The following FAM98B variants were observed in gnomAD, a reference collection of about 807,000 sequenced individuals.
FAM98B encodes the protein tRNA splicing ligase complex subunit 3B.
A neutral mutation model predicts 43.9 loss-of-function variants in FAM98B; 32 were observed. The ratio of observed to expected loss-of-function variants is 0.73; its 90% CI spans 0.55 to 0.98. The LOEUF (loss-of-function observed/expected upper bound fraction) is 0.98, where lower values mean the gene tolerates loss of function less well. FAM98B is among the 50% of genes least tolerant of loss of function. The probability of loss-of-function intolerance (pLI) is 0.00; values close to 1 mark genes in which losing one functional copy is unlikely to be tolerated. For synonymous variants in FAM98B, 190 were observed against 174.0 expected (o/e 1.09, Z -0.72); for missense variants, 514 against 522.9 (o/e 0.98, Z 0.17).
chr15:38,482,057 A>G (rs1383161062), intron 7 of FAM98B: 1 of 157,940 alleles, frequency 6.3e-6, no homozygotes, highest in Non-Finnish European at 1.4e-5. Flanking sequence ...CTTAACTGGC[A>G]TGTCCTCTTC....
In FAM98B at chr15:38,454,622, G is replaced by C. The variant is rs990107251; in HGVS notation, c.71+390G>C. ...GGAACCTGAGCTGCTGTTGAGGACT[G>C]TTGTCTCCTACAATGTACAACTTGT... is the stretch of plus-strand genomic sequence containing the variant. On this transcript the variant is annotated intron_variant, in intron 1 of 7. Transcript: ENST00000397609. 3.3e-5 allele frequency among the ~76,000 whole-genome samples: 5 copies of C among 152,216 alleles called. No individual in the cohort carries two copies. In the East Asian group the frequency reaches 9.6e-4, roughly 29 times the overall value.
intron 6 of FAM98B, among the ~76,000 whole-genome samples, chr15:38,481,074 C>G (rs552003252): frequency 6.6e-6 from 1 of 151,748 alleles, no homozygotes; most frequent in African/African-American, 2.4e-5. Context: ...TATTTTTTAG[C>G]GAGTTGTTGC....
At chr15:38,464,330 T>G (rs1355226115) in intron 2 of FAM98B, among the ~76,000 whole-genome samples, 153 bp downstream of exon 2, 1 of 152,172 alleles carries the variant, frequency 6.6e-6, no homozygotes, top group African/African-American at 2.4e-5. Context: ...TGGATTAAAT[T>G]TTATATTAAT....
chr15:38,457,450 T>G lies in FAM98B; in HGVS notation c.71+3218T>G, dbSNP rs1199750367. Among the ~76,000 whole-genome samples, 8 of 152,228 alleles carry G rather than the reference T, an allele frequency of 5.3e-5. No homozygotes were observed. In the South Asian group the frequency reaches 8.3e-4, roughly 16 times the overall value. On this transcript the variant is annotated intron_variant, in intron 1 of 7. Coordinates refer to ENST00000397609, the MANE Select transcript of FAM98B (RefSeq NM_173611.4). The stretch of plus-strand genomic sequence containing the variant: ...TGGAGAATGCAGAGGAATCAATGAA[T>G]GGAGGTAATGATGATATCAAAGAAT...
At chr15:38,470,815 G>A (rs35945817) in intron 4 of FAM98B, among the ~76,000 whole-genome samples, 30,284 of 152,068 alleles carry the variant, frequency 0.2, 3,283 homozygotes, top group Non-Finnish European at 0.24. Context: ...CTTTGGCAGT[G>A]AGCATGCAGT....
At chr15:38,475,971 G>A (rs943005434) in intron 6 of FAM98B, among the ~76,000 whole-genome samples, 2 of 151,716 alleles carry the variant, frequency 1.3e-5, no homozygotes, top group South Asian at 4.2e-4. Context: ...CTGCAGTTTT[G>A]CTGTTTGCAT....
At chr15:38,480,203 C>G (rs1165700005) in intron 6 of FAM98B, among the ~76,000 whole-genome samples, 1 of 152,122 alleles carries the variant, frequency 6.6e-6, no homozygotes, top group African/African-American at 2.4e-5. Context: ...AATTAAACCT[C>G]AAACAGTTAA....
At chr15:38,458,760 CT>C in intron 1 of FAM98B, 1 of 363,736 alleles carries the variant, frequency 2.7e-6, no homozygotes, top group Non-Finnish European at 5.4e-6. Context: ...GCTAAGAGGC[CT>C]GCCCCTACCC....
chr15:38,460,430 T>G (rs1889929409), intron 1 of FAM98B, among the ~76,000 whole-genome samples: 1 of 151,316 alleles, frequency 6.6e-6, no homozygotes, highest in Middle Eastern at 3.2e-3. Flanking sequence ...TAAATGAAAG[T>G]AAAAAAATAA....
intron 1 of FAM98B, among the ~76,000 whole-genome samples, chr15:38,454,929 G>A (rs919901220): frequency 6.6e-5 from 10 of 152,160 alleles, no homozygotes; most frequent in African/African-American, 2.4e-4. Context: ...TCAGGGTGGA[G>A]GTGGGAGTAA....
chr15:38,472,644 C>T (rs1466772702), intron 4 of FAM98B, among the ~76,000 whole-genome samples: 1 of 152,056 alleles, frequency 6.6e-6, no homozygotes, highest in Non-Finnish European at 1.5e-5. Context: ...GAAGAAACCT[C>T]AACTGTGCCC....
intron 4 of FAM98B, 79 bp from the exon 5 acceptor site, chr15:38,473,426 G>T (rs1890153605): frequency 1.0e-6 from 1 of 997,204 alleles, no homozygotes; most frequent in Non-Finnish European, 1.5e-6. Context: ...GTAGTGTTCA[G>T]AGCGATACTT....
At chr15:38,460,830 T>G (rs1453658457) in intron 1 of FAM98B, among the ~76,000 whole-genome samples, 2 of 152,188 alleles carry the variant, frequency 1.3e-5, no homozygotes, top group Non-Finnish European at 2.9e-5. Flanking sequence ...CATCCTGAGC[T>G]TCCTCATCTG....
intron 6 of FAM98B, among the ~76,000 whole-genome samples, chr15:38,476,287 C>T (rs1408150323): frequency 2.0e-5 from 3 of 152,060 alleles, no homozygotes; most frequent in African/African-American, 7.2e-5. Flanking sequence ...TTATGTTTCT[C>T]TGTAAGCTTT....
chr15:38,456,761 A>G (rs1289330661), intron 1 of FAM98B, among the ~76,000 whole-genome samples: 1 of 152,210 alleles, frequency 6.6e-6, no homozygotes, highest in Non-Finnish European at 1.5e-5. Context: ...GGGGACAAAG[A>G]TATCCTTACA....
chr15:38,454,855 G>A (rs367782024), intron 1 of FAM98B, among the ~76,000 whole-genome samples: 5 of 152,170 alleles, frequency 3.3e-5, no homozygotes, highest in African/African-American at 9.7e-5. Flanking sequence ...TTACATAGTC[G>A]CGCAGGCTGC....
At chr15:38,460,042 A>C (rs946331178) in intron 1 of FAM98B, among the ~76,000 whole-genome samples, 1 of 152,158 alleles carries the variant, frequency 6.6e-6, no homozygotes, top group Non-Finnish European at 1.5e-5. Flanking sequence ...CCCTGGTTGT[A>C]TTGTTGAGGA....
intron 3 of FAM98B, among the ~76,000 whole-genome samples, chr15:38,467,221 A>T (rs996179246): frequency 3.9e-5 from 6 of 152,184 alleles, no homozygotes; most frequent in African/African-American, 1.4e-4. Context: ...GTCTTTCTTC[A>T]GTTTGACTGT....
At chr15:38,471,501 A>G (rs7168843) in intron 4 of FAM98B, among the ~76,000 whole-genome samples, 152,159 of 152,166 alleles carry the variant, frequency 1, 76,076 homozygotes, top group Middle Eastern at 1. Context: ...AGGCTATTCC[A>G]TTTTATGGTT....
Sources: gnomAD v4.1 joint callset for allele counts (sites outside exome capture counted in the v4.1 genomes callset) on GRCh38, gnomAD v4.1.1 for gene constraint, MANE v1.5 for transcripts, NCBI Gene and HGNC (gene_info 2026-07-23, HGNC 2026-07-21) for gene names.